The following BLTP1 variants were observed in gnomAD, a reference collection of about 807,000 sequenced individuals.
The protein encoded by BLTP1 is bridge-like lipid transfer protein family member 1, also known as fragile site-associated protein.
the BLTP1 span, among the ~76,000 whole-genome samples, chr4:122,340,193 G>A: frequency 2.0e-5 from 3 of 152,122 alleles, no homozygotes; most frequent in South Asian, 6.2e-4. Flanking sequence ...CTGGCAGCTA[G>A]AAGAGAAACC....
the BLTP1 span, among the ~76,000 whole-genome samples, chr4:122,279,172 C>A: frequency 1.3e-5 from 2 of 152,122 alleles, no homozygotes; most frequent in African/African-American, 2.4e-5. Flanking sequence ...AAAGTTTGCT[C>A]AACTTTGATT....
chr4:122,189,923 C>G, the BLTP1 span: 1 of 1,514,448 alleles, frequency 6.6e-7, no homozygotes, highest in African/African-American at 1.4e-5. Flanking sequence ...TCACCTATTG[C>G]CAGCATTAAC....
At chr4:122,279,852 C>T in the BLTP1 span, 1 of 1,613,998 alleles carries the variant, frequency 6.2e-7, no homozygotes, top group African/African-American at 1.3e-5. Context: ...AACAATGCTG[C>T]TGTGTTCAAA....
At chr4:122,264,363 A>T in the BLTP1 span, 7 of 1,611,864 alleles carry the variant, frequency 4.3e-6, no homozygotes, top group Non-Finnish European at 5.9e-6. Flanking sequence ...ACCAGTCAGG[A>T]TGATGTGGCA....
the BLTP1 span, among the ~76,000 whole-genome samples, chr4:122,335,488 C>T: frequency 6.6e-6 from 1 of 152,090 alleles, no homozygotes; most frequent in Non-Finnish European, 1.5e-5. Flanking sequence ...GAGAAAGTTT[C>T]ATTTGGGAGA....
the BLTP1 span, chr4:122,207,063 G>T: frequency 6.5e-7 from 1 of 1,536,930 alleles, no homozygotes; most frequent in African/African-American, 1.4e-5. Flanking sequence ...ACTTTTCTGA[G>T]TTTCAACTAA....
chr4:122,299,060 A>G, the BLTP1 span: 4 of 984,306 alleles, frequency 4.1e-6, no homozygotes, highest in Non-Finnish European at 3.6e-6. Flanking sequence ...TAGGATCCAC[A>G]TATATATGGC....
chr4:122,179,846 T>G, the BLTP1 span: 22 of 984,878 alleles, frequency 2.2e-5, no homozygotes, highest in Non-Finnish European at 2.7e-5. Flanking sequence ...CTCACAGAGA[T>G]AAATACACAG....
chr4:122,156,674 GTTTGAGAGAAGGTT>G, the BLTP1 span, among the ~76,000 whole-genome samples: 1 of 152,234 alleles, frequency 6.6e-6, no homozygotes, highest in Non-Finnish European at 1.5e-5. Context: ...AAAGCTATGA[GTTTGAGAGAAGGTT>G]TTTGTTTTTT....
At chr4:122,197,364 T>C in the BLTP1 span, 4 of 1,034,392 alleles carry the variant, frequency 3.9e-6, no homozygotes, top group South Asian at 1.1e-4. Context: ...CTAACATTAA[T>C]AAGGTTTTCT....
the BLTP1 span, chr4:122,316,930 G>A: frequency 9.1e-7 from 1 of 1,103,724 alleles, no homozygotes; most frequent in South Asian, 1.6e-5. Context: ...GTTAAAAGTG[G>A]AAGAAACTGT....
At chr4:122,191,527 A>G in the BLTP1 span, among the ~76,000 whole-genome samples, 1 of 152,296 alleles carries the variant, frequency 6.6e-6, no homozygotes, top group South Asian at 2.1e-4. Flanking sequence ...GTATTTCCCA[A>G]TGCATGATGT....
At chr4:122,244,962 A>C in the BLTP1 span, 1 of 1,576,476 alleles carries the variant, frequency 6.3e-7, no homozygotes, top group Non-Finnish European at 8.7e-7. Context: ...TGTTTACATA[A>C]ACTAAGTTGT....
the BLTP1 span, among the ~76,000 whole-genome samples, chr4:122,315,161 A>G: frequency 6.6e-6 from 1 of 152,102 alleles, no homozygotes; most frequent in African/African-American, 2.4e-5. Flanking sequence ...CAATTAACCT[A>G]ATTAATTCTG....
chr4:122,158,627 C>T, the BLTP1 span, among the ~76,000 whole-genome samples: 2 of 151,930 alleles, frequency 1.3e-5, no homozygotes, highest in Middle Eastern at 3.2e-3. Flanking sequence ...CAAAATTAGC[C>T]GGGCGTGGTG....
At chr4:122,362,064 A>G in the BLTP1 span, 1 of 1,611,650 alleles carries the variant, frequency 6.2e-7, no homozygotes, top group South Asian at 1.1e-5. Flanking sequence ...AGATTGATCC[A>G]GTAGGTGTTG....
At chr4:122,238,046 CT>C in the BLTP1 span, 1 of 1,571,854 alleles carries the variant, frequency 6.4e-7, no homozygotes, top group Non-Finnish European at 8.7e-7. Flanking sequence ...TTATAAACTG[CT>C]GTTGAGATTT....
At chr4:122,198,473 C>A in the BLTP1 span, 1 of 975,268 alleles carries the variant, frequency 1.0e-6, no homozygotes, top group Non-Finnish European at 1.2e-6. Context: ...GTGCTTCTGC[C>A]TTTTCACAAC....
the BLTP1 span, chr4:122,244,625 G>A: frequency 1.0e-6 from 1 of 983,066 alleles, no homozygotes; most frequent in Non-Finnish European, 1.2e-6. Flanking sequence ...AAGCGGTTGG[G>A]AAGAGAAAAG....
Sources: allele counts gnomAD v4.1 joint callset (sites outside exome capture counted in the v4.1 genomes callset), GRCh38; gene constraint gnomAD v4.1.1; transcripts MANE v1.5; gene names NCBI Gene and HGNC (gene_info 2026-07-23, HGNC 2026-07-21).